Variants in ADCY5 observed in about 807,000 individuals in gnomAD.
ADCY5 encodes adenylate cyclase type 5.
ADCY5 carries 30 observed loss-of-function variants against 119.7 expected under a neutral mutation model. The observed-to-expected ratio is 0.25, with a 90% CI of 0.19 to 0.34. The LOEUF (loss-of-function observed/expected upper bound fraction) is 0.34, where lower values mean the gene tolerates loss of function less well. Among genes scored for constraint, ADCY5 ranks in the 10% least tolerant of loss-of-function variants. The pLI is 1.00. For synonymous variants in ADCY5, 753 were observed against 762.2 expected, an observed-to-expected ratio of 0.99 and a Z score of 0.20; for missense variants, 1,324 against 1,775.2, an observed-to-expected ratio of 0.75 and a Z score of 4.57.
intron 20 of ADCY5, 127 bp from the exon 21 acceptor site, chr3:123,284,863 GC>G: frequency 2.3e-6 from 3 of 1,308,892 alleles, no homozygotes; most frequent in Non-Finnish European, 3.2e-6. Flanking sequence ...AGGGGCAGCT[GC>G]CCCACTGAGG....
At chr3:123,338,108 G>A (rs914489994) in intron 3 of ADCY5, among the ~76,000 whole-genome samples, 1 of 151,754 alleles carries the variant, frequency 6.6e-6, no homozygotes, top group Non-Finnish European at 1.5e-5. Context: ...ATTGATATGT[G>A]AGGAGCTCCA....
intron 1 of ADCY5, among the ~76,000 whole-genome samples, chr3:123,446,514 G>C (rs988774921): frequency 6.6e-6 from 1 of 152,206 alleles, no homozygotes; most frequent in Non-Finnish European, 1.5e-5. Context: ...ACTAAAGGGA[G>C]ATATGGTATG....
intron 12 of ADCY5, among the ~76,000 whole-genome samples, chr3:123,306,446 T>C (rs904754793): frequency 6.6e-6 from 1 of 152,148 alleles, no homozygotes; most frequent in African/African-American, 2.4e-5. Context: ...AACATACAAG[T>C]AGACCTTTGT....
At chr3:123,366,613 C>A (rs1943448833) in intron 1 of ADCY5, among the ~76,000 whole-genome samples, 1 of 152,144 alleles carries the variant, frequency 6.6e-6, no homozygotes, top group East Asian at 1.9e-4. Context: ...ACTGAAAATT[C>A]ACTTATCTTA....
intron 3 of ADCY5, among the ~76,000 whole-genome samples, chr3:123,333,530 C>T (rs1004930785): frequency 1.3e-5 from 2 of 152,242 alleles, no homozygotes; most frequent in Non-Finnish European, 2.9e-5. Context: ...ACTGGAGGGC[C>T]GAGGACGCTG....
chr3:123,321,263 T>C (rs761518926), intron 8 of ADCY5, among the ~76,000 whole-genome samples: 5 of 152,144 alleles, frequency 3.3e-5, no homozygotes, highest in Non-Finnish European at 7.4e-5. Context: ...CATTTTGCAC[T>C]TAAAAAAACT....
At chr3:123,305,124 G>T (rs1328719400) in intron 12 of ADCY5, among the ~76,000 whole-genome samples, 3 of 152,194 alleles carry the variant, frequency 2.0e-5, no homozygotes, top group Non-Finnish European at 4.4e-5. Context: ...CTTTTCCTGT[G>T]TGTTCCTGAG....
At chr3:123,368,752 CA>C (rs34756449) in intron 1 of ADCY5, among the ~76,000 whole-genome samples, 11,332 of 134,112 alleles carry the variant, frequency 0.084, 998 homozygotes, top group East Asian at 0.27. Context: ...ACTGTGTCTC[CA>C]AAAAAAAAAA....
chr3:123,382,751 G>C (rs1000953432), intron 1 of ADCY5, among the ~76,000 whole-genome samples: 1 of 152,180 alleles, frequency 6.6e-6, no homozygotes, highest in African/African-American at 2.4e-5. Flanking sequence ...CCAAAGGCTG[G>C]GGGGAGGAAG....
intron 1 of ADCY5, among the ~76,000 whole-genome samples, chr3:123,373,064 A>G (rs2107536191): frequency 6.6e-6 from 1 of 152,340 alleles, no homozygotes; most frequent in South Asian, 2.1e-4. Context: ...AATTATCCAC[A>G]GCAAACCATT....
intron 1 of ADCY5, among the ~76,000 whole-genome samples, chr3:123,375,366 G>T (rs1943789507): frequency 6.6e-6 from 1 of 152,236 alleles, no homozygotes. Context: ...AGTTTTCTCA[G>T]GTCCTGTTGC....
At chr3:123,328,837 C>G in intron 5 of ADCY5, 35 bp from the exon 6 acceptor site, 1 of 1,604,518 alleles carries the variant, frequency 6.2e-7, no homozygotes, top group Non-Finnish European at 8.5e-7. Context: ...TGGGAGAAGG[C>G]TGGAGGCCAG....
At chr3:123,425,217 C>A (rs1233712944) in intron 1 of ADCY5, among the ~76,000 whole-genome samples, 1 of 152,228 alleles carries the variant, frequency 6.6e-6, no homozygotes, top group Non-Finnish European at 1.5e-5. Flanking sequence ...CAGGTCCAAC[C>A]AGCCAAAGGA....
At chr3:123,371,184 T>C (rs1009892587) in intron 1 of ADCY5, among the ~76,000 whole-genome samples, 1 of 152,188 alleles carries the variant, frequency 6.6e-6, no homozygotes, top group Non-Finnish European at 1.5e-5. Context: ...GGGATCTGGT[T>C]AGGACCTGGT....
intron 1 of ADCY5, among the ~76,000 whole-genome samples, chr3:123,403,091 A>G (rs939712370): frequency 1.3e-5 from 2 of 151,690 alleles, no homozygotes; most frequent in Non-Finnish European, 2.9e-5. Flanking sequence ...CACTTAGAGC[A>G]CAGATTGGCC....
At chr3:123,285,016 T>C (rs1481215275) in intron 20 of ADCY5, among the ~76,000 whole-genome samples, 3 of 152,158 alleles carry the variant, frequency 2.0e-5, no homozygotes, top group Admixed American at 6.5e-5. Flanking sequence ...TGGCCTGTGG[T>C]CCATGGACTG....
At position 123,447,763 on chromosome 3, in the gene ADCY5, C is replaced by G. The variant is rs745586950; in HGVS notation, c.783G>C (p.Ala261=). ...LVCLVMLAFH[A]ARPPLQLPYL... is the part of the protein sequence containing the mutation. ...AGGGCAGCTGGAGCGGGGGCCGCGC[C>G]GCGTGGAAGGCCAACATGACCAGGC... The change falls in exon 1 of 21, where the codon GCG becomes GCC. Residue 261 remains alanine (A), a synonymous_variant. Transcript: ENST00000462833. 1.2e-6 allele frequency: 2 copies of G among 1,607,764 alleles called. No individual in the cohort carries two copies. The highest frequency in any genetic ancestry group is 1.7e-6 in the Non-Finnish European group (2 of 1,176,456).
chr3:123,355,638 T>TAA (rs149008217), intron 1 of ADCY5, among the ~76,000 whole-genome samples: 65 of 143,986 alleles, frequency 4.5e-4, no homozygotes, highest in Middle Eastern at 3.5e-3. Context: ...AGTAGAAATC[T>TAA]AAAAAAAAAA....
At chr3:123,417,893 G>C (rs1945220440) in intron 1 of ADCY5, among the ~76,000 whole-genome samples, 1 of 152,210 alleles carries the variant, frequency 6.6e-6, no homozygotes, top group Non-Finnish European at 1.5e-5. Flanking sequence ...GATGGCCTGG[G>C]ATGCCTGCAA....
Sources: allele counts gnomAD v4.1 joint callset (sites outside exome capture counted in the v4.1 genomes callset), GRCh38; gene constraint gnomAD v4.1.1; transcripts MANE v1.5; gene names NCBI Gene and HGNC (gene_info 2026-07-23, HGNC 2026-07-21).